The following TTC7B variants were observed in gnomAD, a reference collection of about 807,000 sequenced individuals.
TTC7B encodes the protein tetratricopeptide repeat domain 7B.
In TTC7B, 28 loss-of-function variants were observed where a neutral mutation model predicts 106.8. The ratio of observed to expected loss-of-function variants is 0.26; its 90% CI spans 0.19 to 0.36. TTC7B has a LOEUF of 0.36. Among genes scored for constraint, TTC7B ranks in the 10% least tolerant of loss-of-function variants. The probability of loss-of-function intolerance (pLI) is 1.00; values close to 1 mark genes in which losing one functional copy is unlikely to be tolerated. For missense variants in TTC7B, 862 were observed against 1,076.4 expected (o/e 0.80, Z 2.79); for synonymous variants, 405 against 430.6 (o/e 0.94, Z 0.74).
chr14:90,620,377 A>G (rs1893259662), intron 15 of TTC7B, among the ~76,000 whole-genome samples: 1 of 152,176 alleles, frequency 6.6e-6, no homozygotes, highest in Non-Finnish European at 1.5e-5. Context: ...TAAAGACACC[A>G]GAAGCTGGCT....
intron 8 of TTC7B, 141 bp downstream of exon 8, chr14:90,680,331 A>T: frequency 1.6e-6 from 1 of 623,612 alleles, no homozygotes. Flanking sequence ...TTAAACCTCT[A>T]CTGTTTTTTC....
At chr14:90,753,442 C>G (rs1357313433) in intron 3 of TTC7B, among the ~76,000 whole-genome samples, 3 of 152,240 alleles carry the variant, frequency 2.0e-5, no homozygotes, top group South Asian at 2.1e-4. Context: ...TCAAGAGACA[C>G]AAAGCAAAGC....
intron 15 of TTC7B, among the ~76,000 whole-genome samples, chr14:90,638,050 C>CT (rs78198771): frequency 0.012 from 1,768 of 143,988 alleles, 27 homozygotes; most frequent in East Asian, 0.057. Flanking sequence ...TCTGGCTACC[C>CT]TTTTTTTTTT....
intron 1 of TTC7B, among the ~76,000 whole-genome samples, chr14:90,801,927 G>T (rs918646079): frequency 7.9e-5 from 12 of 152,124 alleles, no homozygotes; most frequent in Non-Finnish European, 1.5e-4. Flanking sequence ...CAGGTATGGT[G>T]GTGGGTGCCT....
intron 18 of TTC7B, among the ~76,000 whole-genome samples, chr14:90,582,409 G>T (rs1200198890): frequency 2.6e-5 from 4 of 152,250 alleles, no homozygotes; most frequent in African/African-American, 4.8e-5. Flanking sequence ...CTCTCCCAGG[G>T]CAGTGGCAGG....
chr14:90,792,861 G>A (rs1181871395), intron 1 of TTC7B, among the ~76,000 whole-genome samples: 1 of 152,102 alleles, frequency 6.6e-6, no homozygotes, highest in Non-Finnish European at 1.5e-5. Context: ...AATATGCAAA[G>A]GTATGGCATG....
chr14:90,798,363 T>C (rs28532378), intron 1 of TTC7B, among the ~76,000 whole-genome samples: 8,465 of 152,188 alleles, frequency 0.056, 457 homozygotes, highest in African/African-American at 0.14. Flanking sequence ...TGGTTTGTTA[T>C]GCAGTAATAG....
intron 3 of TTC7B, among the ~76,000 whole-genome samples, chr14:90,754,662 C>T (rs1890232451): frequency 6.6e-6 from 1 of 152,134 alleles, no homozygotes; most frequent in Non-Finnish European, 1.5e-5. Context: ...TTCACATAGT[C>T]GCCACTAGCT....
intron 9 of TTC7B, among the ~76,000 whole-genome samples, chr14:90,661,729 T>C (rs1483955334): frequency 1.3e-5 from 2 of 151,960 alleles, no homozygotes; most frequent in Non-Finnish European, 2.9e-5. Context: ...AAACACTAAG[T>C]ACTTAAACAT....
chr14:90,694,082 C>T (rs1341226737), intron 6 of TTC7B, among the ~76,000 whole-genome samples: 3 of 152,152 alleles, frequency 2.0e-5, no homozygotes, highest in Non-Finnish European at 2.9e-5. Context: ...AAGCATTATG[C>T]TAAGTGAAGA....
At chr14:90,559,037 T>C (rs1890454330) in intron 19 of TTC7B, among the ~76,000 whole-genome samples, 1 of 152,206 alleles carries the variant, frequency 6.6e-6, no homozygotes, top group East Asian at 1.9e-4. Flanking sequence ...TCTTATCAGT[T>C]ACCACTTCAA....
Position 90,804,167 on chromosome 14 carries a change from CTACTA to C in TTC7B, c.121+12003_121+12007del, listed in dbSNP as rs546484665. 1.4e-3 allele frequency among the ~76,000 whole-genome samples: 216 copies of C among 152,150 alleles called. 1 individual carries two copies. In the Middle Eastern group the frequency reaches 0.02, roughly 14 times the overall value. ...TGGCTAACACGGTGAAACCCCGTCT[CTACTA>C]AAAATACAAAAAATTAGCCGGGCGT... On this transcript the variant is annotated intron_variant, in intron 1 of 19. Coordinates refer to ENST00000328459, the MANE Select transcript of TTC7B (RefSeq NM_001010854.2).
rs576933012 is a variant in TTC7B, at chr14:90,606,046, C to T, written c.1966+4696G>A. On this transcript the variant is annotated intron_variant, in intron 17 of 19. Transcript: ENST00000328459. ...GCAGTGTGATCTGCTGAAAATAATA[C>T]ATCTTTAGCCTACAATATCCAGAAC... Among the ~76,000 whole-genome samples, 26 of 152,322 alleles carry T rather than the reference C, an allele frequency of 1.7e-4. No individual in the cohort carries two copies. The South Asian group carries it at 1.9e-3, about 11-fold the overall frequency.
intron 9 of TTC7B, among the ~76,000 whole-genome samples, chr14:90,659,212 A>AC (rs1190414300): frequency 0.023 from 2,925 of 129,508 alleles, 82 homozygotes; most frequent in African/African-American, 0.082. Flanking sequence ...CACGAGTGTG[A>AC]TTGTGTGTGT....
At chr14:90,693,434 C>T (rs2139942960) in intron 6 of TTC7B, among the ~76,000 whole-genome samples, 1 of 152,198 alleles carries the variant, frequency 6.6e-6, no homozygotes, top group Middle Eastern at 3.4e-3. Flanking sequence ...TATAATTAGC[C>T]AAACAACTAG....
At chr14:90,562,148 A>G (rs1244354403) in intron 19 of TTC7B, among the ~76,000 whole-genome samples, 2 of 152,136 alleles carry the variant, frequency 1.3e-5, no homozygotes, top group African/African-American at 4.8e-5. Flanking sequence ...CCTGGCTGGA[A>G]GAGGCAACCT....
intron 17 of TTC7B, among the ~76,000 whole-genome samples, chr14:90,605,099 C>T (rs74573560): frequency 0.011 from 1,689 of 152,194 alleles, 31 homozygotes; most frequent in African/African-American, 0.038. Flanking sequence ...CCAGGGGATC[C>T]GCTGCTTTAA....
intron 19 of TTC7B, among the ~76,000 whole-genome samples, chr14:90,556,915 C>T (rs548912279): frequency 6.6e-4 from 101 of 152,192 alleles, no homozygotes; most frequent in Middle Eastern, 3.4e-3. Flanking sequence ...AGCCAGGGAA[C>T]GGGGGGGACA....
At chr14:90,709,605 G>A (rs1888358614) in intron 5 of TTC7B, among the ~76,000 whole-genome samples, 1 of 151,226 alleles carries the variant, frequency 6.6e-6, no homozygotes, top group South Asian at 2.1e-4. Context: ...GTTAATGGGT[G>A]CAGCACACCA....
Sources: gnomAD v4.1 joint callset for allele counts (sites outside exome capture counted in the v4.1 genomes callset) on GRCh38, gnomAD v4.1.1 for gene constraint, MANE v1.5 for transcripts, NCBI Gene and HGNC (gene_info 2026-07-23, HGNC 2026-07-21) for gene names.